Variants in HSD17B12 observed in about 807,000 individuals in gnomAD.
The protein encoded by HSD17B12 is very-long-chain 3-oxoacyl-CoA reductase.
A neutral mutation model predicts 39.3 loss-of-function variants in HSD17B12; 32 were observed. The observed-to-expected ratio is 0.81, with a 90% confidence interval of 0.61 to 1.09. The LOEUF (loss-of-function observed/expected upper bound fraction) is 1.09, where lower values mean the gene tolerates loss of function less well. HSD17B12 is among the 50% of genes least tolerant of loss of function. The pLI is 0.00. For missense variants in HSD17B12, 342 were observed against 382.9 expected (o/e 0.89, Z 0.89); for synonymous variants, 150 against 146.7 (o/e 1.02, Z -0.16).
At chr11:43,726,507 A>G (rs1480464719) in intron 1 of HSD17B12, among the ~76,000 whole-genome samples, 1 of 152,232 alleles carries the variant, frequency 6.6e-6, no homozygotes, top group Non-Finnish European at 1.5e-5. Flanking sequence ...GATTAGGTCC[A>G]GAGCTTTATC....
chr11:43,696,866 A>G (rs1322584627), intron 1 of HSD17B12, among the ~76,000 whole-genome samples: 2 of 152,334 alleles, frequency 1.3e-5, no homozygotes, highest in Admixed American at 6.5e-5. Context: ...TTACAGGGAC[A>G]TGGATGAAAC....
At chr11:43,676,208 G>GGT (rs56092553), upstream of HSD17B12, among the ~76,000 whole-genome samples, 19,556 of 147,602 alleles carry the variant, frequency 0.13, 1,484 homozygotes, top group Middle Eastern at 0.23. Context: ...AGAGGAAGAG[G>GGT]GTGTGTGTGT....
chr11:43,841,703 T>C lies in HSD17B12; in HGVS notation c.684+1639T>C, dbSNP rs922344612. Reference sequence around the variant, plus strand: ...ATAGTATTTCCATGCTCAGGCACTTTTAAAAAATGTCTTGGGAGAAGTTGC... The same window carrying C: ...ATAGTATTTCCATGCTCAGGCACTTCTAAAAAATGTCTTGGGAGAAGTTGC... On this transcript the variant is annotated intron_variant, in intron 9 of 10. Transcript: ENST00000278353. Among the ~76,000 whole-genome samples, 3 of 152,200 alleles carry C rather than the reference T, an allele frequency of 2.0e-5. No homozygotes were observed. The South Asian group carries it at 6.2e-4, about 32-fold the overall frequency.
the HSD17B12 span, among the ~76,000 whole-genome samples, chr11:43,586,528 T>G: frequency 6.6e-6 from 1 of 152,204 alleles, no homozygotes; most frequent in Non-Finnish European, 1.5e-5. Context: ...CTGAGAGCTG[T>G]TAAGAGGGTA....
the HSD17B12 span, chr11:43,646,185 G>A: frequency 2.0e-5 from 3 of 152,238 alleles, no homozygotes; most frequent in Non-Finnish European, 4.4e-5. Flanking sequence ...GGTAGAGAAA[G>A]CAGCAAAGCT....
chr11:43,698,503 A>T (rs1193644347), intron 1 of HSD17B12, among the ~76,000 whole-genome samples: 1 of 152,216 alleles, frequency 6.6e-6, no homozygotes. Context: ...AGTTGGGTCA[A>T]TCCGTTTGCT....
chr11:43,827,795 G>A (rs1951260365), intron 6 of HSD17B12, among the ~76,000 whole-genome samples: 1 of 152,090 alleles, frequency 6.6e-6, no homozygotes, highest in African/African-American at 2.4e-5. Flanking sequence ...TTCCCAGCCA[G>A]AATATACATT....
At chr11:43,837,987 C>T (rs1244055397) in intron 7 of HSD17B12, 1 of 265,760 alleles carries the variant, frequency 3.8e-6, no homozygotes, top group African/African-American at 2.2e-5. Context: ...TATAAAAGAT[C>T]TGTAAGTAAA....
chr11:43,654,477 A>G, the HSD17B12 span, among the ~76,000 whole-genome samples: 1 of 152,014 alleles, frequency 6.6e-6, no homozygotes, highest in Non-Finnish European at 1.5e-5. Context: ...GCCCATGCCT[A>G]TGTCCTGAAT....
chr11:43,624,434 G>T, the HSD17B12 span, among the ~76,000 whole-genome samples: 1 of 151,840 alleles, frequency 6.6e-6, no homozygotes, highest in Non-Finnish European at 1.5e-5. Flanking sequence ...AGATTTAACA[G>T]AAGAGAAAAG....
intron 2 of HSD17B12, among the ~76,000 whole-genome samples, chr11:43,751,716 A>T (rs771908945): frequency 2.2e-4 from 34 of 152,288 alleles, no homozygotes; most frequent in Middle Eastern, 3.4e-3. Context: ...TATACTCTTC[A>T]CCTGGATTCA....
chr11:43,619,163 T>TGA, the HSD17B12 span, among the ~76,000 whole-genome samples: 2 of 82,000 alleles, frequency 2.4e-5, no homozygotes, highest in South Asian at 7.6e-4. Context: ...AGTATATATA[T>TGA]GATATATATA....
At chr11:43,656,681 G>T in the HSD17B12 span, among the ~76,000 whole-genome samples, 1 of 152,088 alleles carries the variant, frequency 6.6e-6, no homozygotes, top group African/African-American at 2.4e-5. Context: ...TCAGGAGCAG[G>T]GTGTTCAGTT....
At chr11:43,705,018 A>G (rs1950000586) in intron 1 of HSD17B12, among the ~76,000 whole-genome samples, 1 of 152,368 alleles carries the variant, frequency 6.6e-6, no homozygotes, top group South Asian at 2.1e-4. Context: ...CCTAAGCTAC[A>G]GATTCAGTAG....
chr11:43,784,361 C>T (rs1364235739), intron 3 of HSD17B12, among the ~76,000 whole-genome samples: 1 of 148,116 alleles, frequency 6.8e-6, no homozygotes, highest in Non-Finnish European at 1.5e-5. Context: ...ACTGCCAGGG[C>T]CAGATGGTGA....
the HSD17B12 span, among the ~76,000 whole-genome samples, chr11:43,643,888 G>A: frequency 6.6e-6 from 1 of 152,184 alleles, no homozygotes; most frequent in African/African-American, 2.4e-5. Flanking sequence ...CGAAGGGGAA[G>A]ATTAATTGAA....
chr11:43,626,229 TAACTA>T, the HSD17B12 span, among the ~76,000 whole-genome samples: 2 of 151,882 alleles, frequency 1.3e-5, no homozygotes, highest in East Asian at 3.9e-4. Flanking sequence ...AAAGCAATCT[TAACTA>T]AATATAAAAT....
At chr11:43,677,582 T>C (rs1452094339), upstream of HSD17B12, among the ~76,000 whole-genome samples, 3 of 152,102 alleles carry the variant, frequency 2.0e-5, no homozygotes, top group African/African-American at 4.8e-5. Context: ...CTAATGCTAT[T>C]CCTCCCCACC....
At chr11:43,615,915 G>A in the HSD17B12 span, among the ~76,000 whole-genome samples, 1 of 152,178 alleles carries the variant, frequency 6.6e-6, no homozygotes, top group Non-Finnish European at 1.5e-5. Context: ...GCATGGCCAA[G>A]GCAATGTTTG....
Sources: gnomAD v4.1 joint callset for allele counts (sites outside exome capture counted in the v4.1 genomes callset) on GRCh38, gnomAD v4.1.1 for gene constraint, MANE v1.5 for transcripts, NCBI Gene and HGNC (gene_info 2026-07-23, HGNC 2026-07-21) for gene names.